Variants in ABCD2 observed in about 807,000 individuals in gnomAD.
ABCD2 encodes the protein ATP binding cassette subfamily D member 2.
In ABCD2, 36 loss-of-function variants were observed where a neutral mutation model predicts 70.9. The observed-to-expected ratio is 0.51, with a 90% CI of 0.39 to 0.67. The LOEUF is 0.67. Ranked by LOEUF, ABCD2 falls within the 30% of genes least tolerant of loss-of-function variation. The pLI, the probability that ABCD2 is intolerant of heterozygous loss-of-function variation, is 0.00. For synonymous variants in ABCD2, 304 were observed against 306.9 expected, an observed-to-expected ratio of 0.99 and a Z score of 0.10; for missense variants, 729 against 890.2, an observed-to-expected ratio of 0.82 and a Z score of 2.30.
chr12:39,603,134 A>C (rs545893622), intron 5 of ABCD2, among the ~76,000 whole-genome samples: 2 of 152,304 alleles, frequency 1.3e-5, no homozygotes, highest in Admixed American at 6.5e-5. Flanking sequence ...TACATCTTTA[A>C]TAATTAAACC....
chr12:39,586,006 G>T, intron 7 of ABCD2, 146 bp downstream of exon 7: 2 of 669,690 alleles, frequency 3.0e-6, no homozygotes, highest in Non-Finnish European at 4.6e-6. Flanking sequence ...GTAAATAATG[G>T]AACAGCAATA....
chr12:39,590,695 C>T (rs572871432), intron 6 of ABCD2, among the ~76,000 whole-genome samples: 42 of 150,506 alleles, frequency 2.8e-4, no homozygotes, highest in Admixed American at 6.6e-4. Context: ...TCTCAAGGTG[C>T]TTTTATACTT....
chr12:39,567,781 G>A (rs1007485305), intron 9 of ABCD2, among the ~76,000 whole-genome samples: 1 of 152,166 alleles, frequency 6.6e-6, no homozygotes, highest in African/African-American at 2.4e-5. Context: ...TCCTTTCCAT[G>A]TTTAGTGCTT....
chr12:39,609,629 T>A (rs1057304933), intron 2 of ABCD2, among the ~76,000 whole-genome samples: 1 of 152,184 alleles, frequency 6.6e-6, no homozygotes, highest in Admixed American at 6.5e-5. Flanking sequence ...AAACTAGATA[T>A]TATAAGCTAA....
chr12:39,557,935 T>TCAGAGCC (rs745461955), intron 9 of ABCD2, among the ~76,000 whole-genome samples: 1 of 152,142 alleles, frequency 6.6e-6, no homozygotes, highest in Non-Finnish European at 1.5e-5. Context: ...AAATGTGAGG[T>TCAGAGCC]CAGAGCCCCC....
At chr12:39,564,240 A>G (rs1941306886) in intron 9 of ABCD2, among the ~76,000 whole-genome samples, 1 of 152,288 alleles carries the variant, frequency 6.6e-6, no homozygotes, top group South Asian at 2.1e-4. Context: ...TTACAGTCCC[A>G]CCAACAGTGT....
chr12:39,619,801 T>C lies in ABCD2; in HGVS notation c.-186A>G. The C allele has an allele frequency of 1.7e-6, 1 of 587,952 alleles. No homozygotes were observed. The allele number at this position is 587,952 out of a possible 1,614,324, so 36.4% of individuals were successfully genotyped here. Reference sequence around the variant, plus strand: ...GCAGCAGAGCTCAGACTCCGCTGCATCTACCGGGAATGATTCTCTCAGAAG... The same window carrying C: ...GCAGCAGAGCTCAGACTCCGCTGCACCTACCGGGAATGATTCTCTCAGAAG... On this transcript the variant is annotated 5_prime_UTR_variant, in exon 1 of 10. It removes an upstream start codon present in the reference 5' UTR. Coordinates refer to ENST00000308666, the MANE Select transcript of ABCD2 (RefSeq NM_005164.4).
chr12:39,537,274 C>G, the ABCD2 span, among the ~76,000 whole-genome samples: 1 of 152,170 alleles, frequency 6.6e-6, no homozygotes, highest in African/African-American at 2.4e-5. Flanking sequence ...TCTACCATAG[C>G]CTTCCAAATC....
chr12:39,613,603 T>C (rs2120775864), intron 2 of ABCD2, among the ~76,000 whole-genome samples: 1 of 152,266 alleles, frequency 6.6e-6, no homozygotes, highest in Non-Finnish European at 1.5e-5. Flanking sequence ...AACTTACCCA[T>C]CTTCCTTATA....
At chr12:39,593,665 A>C (rs1178954273) in intron 6 of ABCD2, among the ~76,000 whole-genome samples, 1 of 152,158 alleles carries the variant, frequency 6.6e-6, no homozygotes, top group Non-Finnish European at 1.5e-5. Flanking sequence ...TTTCTGCAGA[A>C]CTTCTGAAAT....
chr12:39,548,149 G>A (rs1381836108), downstream of ABCD2, among the ~76,000 whole-genome samples: 1 of 152,056 alleles, frequency 6.6e-6, no homozygotes, highest in Non-Finnish European at 1.5e-5. Context: ...TTCCCAGTCA[G>A]CCACTGATCA....
At chr12:39,590,214 TA>T (rs1227658599) in intron 6 of ABCD2, among the ~76,000 whole-genome samples, 1 of 152,216 alleles carries the variant, frequency 6.6e-6, no homozygotes, top group Non-Finnish European at 1.5e-5. Context: ...TACCCTTTAC[TA>T]AACTTTCCTT....
chr12:39,564,803 T>A (rs968611462), intron 9 of ABCD2, among the ~76,000 whole-genome samples: 3 of 152,214 alleles, frequency 2.0e-5, no homozygotes, highest in African/African-American at 7.2e-5. Flanking sequence ...AATTAATTTT[T>A]GTATAAGGTG....
At chr12:39,581,827 C>T (rs1216302958) in intron 7 of ABCD2, among the ~76,000 whole-genome samples, 2 of 152,174 alleles carry the variant, frequency 1.3e-5, no homozygotes, top group Admixed American at 6.5e-5. Context: ...AATCAAAACT[C>T]TGAGTCATAA....
At chr12:39,597,925 C>T (rs185984492) in intron 6 of ABCD2, among the ~76,000 whole-genome samples, 8 of 152,140 alleles carry the variant, frequency 5.3e-5, no homozygotes, top group African/African-American at 1.9e-4. Flanking sequence ...TCATTATTAA[C>T]ACTGCTAAAG....
chr12:39,579,154 G>A lies in ABCD2; in HGVS notation c.1877+381C>T, dbSNP rs145990695. Among the ~76,000 whole-genome samples the A allele has an allele frequency of 6.1e-3, 928 of 152,266 alleles. 15 individuals carry two copies. The highest frequency in any genetic ancestry group is 0.021 in the African/African-American group (875 of 41,560). On this transcript the variant is annotated intron_variant, in intron 8 of 9. Coordinates refer to ENST00000308666, the MANE Select transcript of ABCD2 (RefSeq NM_005164.4). ...AGGCGGGCGGATCACCTGAAGTTAG[G>A]AGTTCAAGACCAGCCTGGCCAACAT...
Position 39,553,994 on chromosome 12 carries a change from T to C in ABCD2, c.2141A>G (p.Gln714Arg). 6.2e-7 allele frequency: 1 copy of C among 1,613,522 alleles called. No individual in the cohort carries two copies. The highest frequency in any genetic ancestry group is 1.1e-5 in the South Asian group (1 of 91,072). ...ESQLAGIPKM[Q>R]QRLNELCKIL... is the part of the protein sequence containing the mutation. ...TTTACATAGTTCATTGAGTCTCTGC[T>C]GCATTTTGGGAATTCCAGCTAGCTG... Residue 714 changes from glutamine (Q) to arginine (R), a missense_variant, in exon 10 of 10, where the codon CAG becomes CGG. Gln to Arg is a conservative substitution (Grantham distance 43). Transcript: ENST00000308666.
intron 6 of ABCD2, among the ~76,000 whole-genome samples, chr12:39,591,234 G>T (rs1382228910): frequency 6.6e-6 from 1 of 152,076 alleles, no homozygotes; most frequent in African/African-American, 2.4e-5. Flanking sequence ...TGCATAGAAA[G>T]AACTAGATTT....
At chr12:39,542,119 T>C in the ABCD2 span, among the ~76,000 whole-genome samples, 1 of 152,176 alleles carries the variant, frequency 6.6e-6, no homozygotes, top group Admixed American at 6.5e-5. Flanking sequence ...TTATGTTTCA[T>C]GAAGTTTTCA....
Sources: allele counts gnomAD v4.1 joint callset (sites outside exome capture counted in the v4.1 genomes callset), GRCh38; gene constraint gnomAD v4.1.1; transcripts MANE v1.5; gene names NCBI Gene and HGNC (gene_info 2026-07-23, HGNC 2026-07-21).